SPRR4: variants seen among roughly 807,000 people sequenced by gnomAD.
SPRR4 encodes small proline rich protein 4, also known as small proline-rich protein 4.
For missense variants in SPRR4, 106 were observed against 91.6 expected, an observed-to-expected ratio of 1.16 and a Z score of -0.64; for synonymous variants, 30 against 34.3, an observed-to-expected ratio of 0.87 and a Z score of 0.44.
intron 1 of SPRR4, among the ~76,000 whole-genome samples, chr1:152,971,033 T>C (rs532994813): frequency 6.6e-6 from 1 of 152,358 alleles, no homozygotes; most frequent in African/African-American, 2.4e-5. Context: ...TGCATTTTGC[T>C]TACCAGTAAG....
intron 1 of SPRR4, 147 bp from the exon 2 acceptor site, chr1:152,971,724 T>C (rs1453541215): frequency 1.8e-6 from 2 of 1,105,116 alleles, no homozygotes; most frequent in Non-Finnish European, 2.6e-6. Context: ...AGGGAGCCAG[T>C]TGACATTGTC....
chr1:152,970,824 CAATT>C (rs1253340918), intron 1 of SPRR4, 130 bp downstream of exon 1: 1 of 152,240 alleles, frequency 6.6e-6, no homozygotes, highest in Non-Finnish European at 1.5e-5. Context: ...AGTCTTCTGA[CAATT>C]GCGGAAATGG....
At position 152,972,026 on chromosome 1, in the gene SPRR4, T is replaced by C; in HGVS notation, c.136T>C (p.Cys46Arg). The C allele has an allele frequency of 1.2e-6, 2 of 1,614,052 alleles. No homozygotes were observed. Among genetic ancestry groups the C allele is most frequent in the Admixed American group, 3.3e-5 (2 of 60,020 alleles). ...ETCAPKTKDPCAPQVKKQCPP... is the reference protein window; with the variant it reads ...ETCAPKTKDPRAPQVKKQCPP... Reference sequence around the variant, plus strand: ...ATGTGCACCCAAAACCAAGGATCCATGTGCTCCCCAGGTCAAGAAGCAATG... The same window carrying C: ...ATGTGCACCCAAAACCAAGGATCCACGTGCTCCCCAGGTCAAGAAGCAATG... Residue 46 changes from cysteine (C) to arginine (R), a missense_variant, in exon 2 of 2, where the codon TGT (cysteine) becomes CGT (arginine). By Grantham distance (180) the Cys-to-Arg change is radical (BLOSUM62 -3). Transcript: ENST00000328051.
At position 152,972,343 on chromosome 1, in the gene SPRR4, C is replaced by T. The variant is rs1651877558; in HGVS notation, c.*213C>T. ...CTTCTATATCCCACCCCGATGCTCT[C>T]CCAGGTGGGTGTGAGAGAGACCTCA... On this transcript the variant is annotated 3_prime_UTR_variant, in exon 2 of 2. Transcript: ENST00000328051. 2 of 750,236 alleles carry T rather than the reference C, an allele frequency of 2.7e-6. No homozygotes were observed. Among genetic ancestry groups the T allele is most frequent in the Admixed American group, 3.0e-5 (1 of 33,564 alleles). The allele number at this position is 750,236 out of a possible 1,614,324, so 46.5% of individuals were successfully genotyped here.
At chr1:152,971,608 ACACACT>A (rs1286352857) in intron 1 of SPRR4, among the ~76,000 whole-genome samples, 353 of 149,470 alleles carry the variant, frequency 2.4e-3, no homozygotes, top group Non-Finnish European at 3.6e-3. Context: ...ACACACACAC[ACACACT>A]CACACACACA....
upstream of SPRR4, among the ~76,000 whole-genome samples, chr1:152,970,208 A>G (rs987724722): frequency 6.6e-6 from 1 of 152,234 alleles, no homozygotes; most frequent in Admixed American, 6.5e-5. Context: ...AATAATAAGC[A>G]TGACGGATGG....
In SPRR4 at chr1:152,972,282, C is replaced by T; in HGVS notation, c.*152C>T. ...AAGGAAGCATTGTAAGGATTTCTTC[C>T]CATCGTACCCTTCCCCACACATACC... On this transcript the variant is annotated 3_prime_UTR_variant, in exon 2 of 2. Coordinates refer to ENST00000328051, the MANE Select transcript of SPRR4 (RefSeq NM_173080.3). 7.9e-7 allele frequency: 1 copy of T among 1,273,302 alleles called. No homozygotes were observed. Among genetic ancestry groups the T allele is most frequent in the Non-Finnish European group, 1.1e-6 (1 of 926,390 alleles). 78.9% of individuals were successfully genotyped at this position (1,273,302 alleles called of 1,614,324 possible).
upstream of SPRR4, among the ~76,000 whole-genome samples, chr1:152,968,960 T>C (rs1217967436): frequency 6.6e-6 from 1 of 152,144 alleles, no homozygotes; most frequent in Admixed American, 6.5e-5. Context: ...CACAGAGGAC[T>C]GGGGGTATGT....
upstream of SPRR4, among the ~76,000 whole-genome samples, chr1:152,970,024 C>T (rs1490653236): frequency 6.6e-6 from 1 of 152,190 alleles, no homozygotes. Flanking sequence ...AGGAAGGACA[C>T]TTGCACTGTG....
chr1:152,970,161 C>A (rs1026533589), upstream of SPRR4, among the ~76,000 whole-genome samples: 4 of 152,140 alleles, frequency 2.6e-5, no homozygotes, highest in South Asian at 8.3e-4. Flanking sequence ...ATGGTAACAA[C>A]GACACTTTCC....
chr1:152,969,945 T>C (rs543460723), upstream of SPRR4, among the ~76,000 whole-genome samples: 1 of 152,226 alleles, frequency 6.6e-6, no homozygotes, highest in South Asian at 2.1e-4. Context: ...TGGGGCACCA[T>C]TCACATCATC....
chr1:152,971,759 GC>G, intron 1 of SPRR4, 111 bp from the exon 2 acceptor site: 1 of 1,385,924 alleles, frequency 7.2e-7, no homozygotes, highest in Non-Finnish European at 9.8e-7. Context: ...AAGATGGCAT[GC>G]TTTGACCTTG....
chr1:152,971,308 G>T (rs1162233707), intron 1 of SPRR4, among the ~76,000 whole-genome samples: 3 of 152,156 alleles, frequency 2.0e-5, no homozygotes, highest in African/African-American at 2.4e-5. Flanking sequence ...AAGGAAGGTT[G>T]CCCATGAAGT....
At chr1:152,971,296 A>AGAAG (rs1424937271) in intron 1 of SPRR4, among the ~76,000 whole-genome samples, 1 of 152,170 alleles carries the variant, frequency 6.6e-6, no homozygotes, top group African/African-American at 2.4e-5. Context: ...TGAGACCCAC[A>AGAAG]GAAGGAAGGT....
At position 152,972,397 on chromosome 1, in the gene SPRR4, C is replaced by A. The variant is rs1651880091; in HGVS notation, c.*267C>A. ...TCTGCAGGCTCCAGCGTGGCCACAG[C>A]TAAGGCCCATCCATTTCCCAAAGTG... On this transcript the variant is annotated 3_prime_UTR_variant, in exon 2 of 2. Transcript: ENST00000328051. The A allele has an allele frequency of 3.9e-6, 2 of 516,556 alleles. No homozygotes were observed. The highest frequency in any genetic ancestry group is 3.7e-5 in the East Asian group (1 of 27,324). 32.0% of individuals were successfully genotyped at this position (516,556 alleles called of 1,614,324 possible).
chr1:152,971,243 G>T (rs973196907), intron 1 of SPRR4, among the ~76,000 whole-genome samples: 1 of 152,100 alleles, frequency 6.6e-6, no homozygotes, highest in Non-Finnish European at 1.5e-5. Flanking sequence ...AGCTGGGAAG[G>T]CTTCAGGGAA....
chr1:152,971,313 T>C (rs1651836644), intron 1 of SPRR4, among the ~76,000 whole-genome samples: 1 of 152,182 alleles, frequency 6.6e-6, no homozygotes, highest in Non-Finnish European at 1.5e-5. Flanking sequence ...AGGTTGCCCA[T>C]GAAGTTAATG....
chr1:152,971,784 C>A, intron 1 of SPRR4, 87 bp from the exon 2 acceptor site: 1 of 1,508,574 alleles, frequency 6.6e-7, no homozygotes, highest in African/African-American at 1.4e-5. Context: ...AATGTCTGGG[C>A]TACTTTTTAA....
intron 1 of SPRR4, among the ~76,000 whole-genome samples, chr1:152,971,213 T>C (rs971129412): frequency 2.0e-5 from 3 of 152,128 alleles, no homozygotes; most frequent in Non-Finnish European, 2.9e-5. Context: ...CCTACAAAGA[T>C]AGCCAGAGAC....
Sources: allele counts gnomAD v4.1 joint callset (sites outside exome capture counted in the v4.1 genomes callset), GRCh38; gene constraint gnomAD v4.1.1; transcripts MANE v1.5; gene names NCBI Gene and HGNC (gene_info 2026-07-23, HGNC 2026-07-21).